Variants in FOXP2 observed in about 807,000 individuals in gnomAD.
FOXP2 encodes the protein forkhead box P2, also known as forkhead box protein P2.
FOXP2 carries 12 observed loss-of-function variants against 115.8 expected under a neutral mutation model. That is an observed-to-expected ratio of 0.10 (90% CI 0.07 to 0.17). The LOEUF is 0.17. Ranked by LOEUF, FOXP2 falls within the 10% of genes least tolerant of loss-of-function variation. The pLI is 1.00. For missense variants in FOXP2, 629 were observed against 843.5 expected, an observed-to-expected ratio of 0.75 and a Z score of 3.15; for synonymous variants, 328 against 297.7, an observed-to-expected ratio of 1.10 and a Z score of -1.05.
At chr7:114,652,931 T>C (rs969424165) in intron 9 of FOXP2, among the ~76,000 whole-genome samples, 1 of 152,134 alleles carries the variant, frequency 6.6e-6, no homozygotes, top group African/African-American at 2.4e-5. Context: ...ATAGAATCCA[T>C]AGAACTAATC....
chr7:114,402,077 G>A (rs1322553028), intron 2 of FOXP2, among the ~76,000 whole-genome samples: 5 of 152,126 alleles, frequency 3.3e-5, no homozygotes, highest in South Asian at 2.1e-4. Context: ...AGCTGAGATC[G>A]TGCCACTGCA....
intron 2 of FOXP2, among the ~76,000 whole-genome samples, chr7:114,496,158 C>G (rs1294472017): frequency 1.3e-5 from 2 of 151,946 alleles, no homozygotes; most frequent in African/African-American, 4.8e-5. Flanking sequence ...CCTAGTATGA[C>G]TGTGTCCTTA....
At position 114,434,762 on chromosome 7, in the gene FOXP2, T is replaced by C. The variant is rs549389409; in HGVS notation, c.168+8083T>C. Among the ~76,000 whole-genome samples, 112 of 152,250 alleles carry C rather than the reference T, an allele frequency of 7.4e-4. 1 individual carries two copies. Among genetic ancestry groups the C allele is most frequent in the African/African-American group, 2.6e-3 (108 of 41,564 alleles). On this transcript the variant is annotated intron_variant, in intron 2 of 16. Transcript: ENST00000350908. ...GTCAAATTAATACTTTCCATAAATA[T>C]ATATTTTCTGTATTACATGTTTTAT...
intron 2 of FOXP2, among the ~76,000 whole-genome samples, chr7:114,382,245 A>T (rs1176364065): frequency 1.3e-5 from 2 of 152,106 alleles, no homozygotes; most frequent in East Asian, 3.9e-4. Context: ...TGTCCAGGAG[A>T]CAGTTACCCT....
At chr7:114,350,783 TA>T (rs1349054210) in intron 2 of FOXP2, among the ~76,000 whole-genome samples, 1 of 152,158 alleles carries the variant, frequency 6.6e-6, no homozygotes, top group Non-Finnish European at 1.5e-5. Flanking sequence ...AAAATATTCA[TA>T]TTTTTATTAT....
At chr7:114,566,894 T>C (rs1801050872) in intron 3 of FOXP2, among the ~76,000 whole-genome samples, 1 of 151,882 alleles carries the variant, frequency 6.6e-6, no homozygotes, top group African/African-American at 2.4e-5. Flanking sequence ...GTATATATTA[T>C]ATATTTTTGT....
intron 3 of FOXP2, among the ~76,000 whole-genome samples, chr7:114,563,931 G>C (rs1213300125): frequency 6.6e-6 from 1 of 152,066 alleles, no homozygotes; most frequent in Non-Finnish European, 1.5e-5. Context: ...TCCTCAAATT[G>C]GGTATCCTTT....
At chr7:114,111,139 A>G (rs1221554322) in intron 1 of FOXP2, among the ~76,000 whole-genome samples, 3 of 152,166 alleles carry the variant, frequency 2.0e-5, no homozygotes, top group Non-Finnish European at 2.9e-5. Flanking sequence ...CACACCTCCC[A>G]GTATCCAGGT....
At chr7:114,360,021 C>T (rs547444081) in intron 2 of FOXP2, among the ~76,000 whole-genome samples, 2 of 152,248 alleles carry the variant, frequency 1.3e-5, no homozygotes, top group South Asian at 4.1e-4. Flanking sequence ...CCACCCAAAT[C>T]TCATCTTGAA....
At chr7:114,631,846 CA>C in intron 6 of FOXP2, 141 bp downstream of exon 6, 1 of 841,310 alleles carries the variant, frequency 1.2e-6, no homozygotes, top group East Asian at 2.7e-5. Context: ...AACATGGTGG[CA>C]TGACCTATTT....
chr7:114,361,043 C>G (rs1410491696), intron 2 of FOXP2, among the ~76,000 whole-genome samples: 1 of 152,112 alleles, frequency 6.6e-6, no homozygotes. Flanking sequence ...TCATTGCCAA[C>G]TAAGATAGAA....
chr7:114,607,404 T>A (rs1803389162), intron 3 of FOXP2, among the ~76,000 whole-genome samples: 1 of 152,084 alleles, frequency 6.6e-6, no homozygotes, highest in Middle Eastern at 3.2e-3. Context: ...CTTGACATAT[T>A]CAATAGGATT....
In FOXP2 at chr7:114,689,761, G is replaced by A. The variant is rs1808559194; in HGVS notation, c.2004-21G>A. On this transcript the variant is annotated intron_variant, in intron 16 of 16. Coordinates refer to ENST00000350908, the MANE Select transcript of FOXP2 (RefSeq NM_014491.4). Reference sequence around the variant, plus strand: ...TTGTTGCTTACTTAGTAAAATTTTGGTGTATCTACATGTTTTTCAGACATT... The same window carrying A: ...TTGTTGCTTACTTAGTAAAATTTTGATGTATCTACATGTTTTTCAGACATT... 3.1e-6 allele frequency: 5 copies of A among 1,612,508 alleles called. No individual in the cohort carries two copies. The East Asian group carries it at 8.9e-5, about 29-fold the overall frequency.
intron 6 of FOXP2, among the ~76,000 whole-genome samples, chr7:114,636,477 T>A (rs961020563): frequency 6.6e-6 from 1 of 152,162 alleles, no homozygotes; most frequent in Non-Finnish European, 1.5e-5. Context: ...AAATTATAAG[T>A]AACCTTAGAA....
At chr7:114,439,410 C>T (rs758464490) in intron 2 of FOXP2, among the ~76,000 whole-genome samples, 24 of 152,168 alleles carry the variant, frequency 1.6e-4, no homozygotes, top group Admixed American at 3.3e-4. Context: ...TAAGAATAAT[C>T]TTCAAATTCA....
chr7:114,316,278 A>G (rs1384112427), intron 2 of FOXP2, among the ~76,000 whole-genome samples: 4 of 152,234 alleles, frequency 2.6e-5, no homozygotes, highest in Non-Finnish European at 5.9e-5. Context: ...AACTGTGCAT[A>G]CATGTATAAT....
chr7:114,186,396 T>C (rs1007737978), intron 1 of FOXP2, among the ~76,000 whole-genome samples: 3 of 151,978 alleles, frequency 2.0e-5, no homozygotes, highest in African/African-American at 7.2e-5. Flanking sequence ...AAGAAAAAAA[T>C]GGGTAACTGA....
intron 10 of FOXP2, 97 bp downstream of exon 10, chr7:114,654,106 G>A (rs1469282406): frequency 7.5e-6 from 12 of 1,597,526 alleles, no homozygotes; most frequent in Non-Finnish European, 1.0e-5. Flanking sequence ...CAATGAGTGT[G>A]ATGAAAAATA....
chr7:114,204,557 T>A (rs994138883), intron 1 of FOXP2, among the ~76,000 whole-genome samples: 3 of 152,134 alleles, frequency 2.0e-5, no homozygotes, highest in African/African-American at 7.2e-5. Flanking sequence ...CCCTTCCCCG[T>A]TTTTCACATG....
Sources: gnomAD v4.1 joint callset for allele counts (sites outside exome capture counted in the v4.1 genomes callset) on GRCh38, gnomAD v4.1.1 for gene constraint, MANE v1.5 for transcripts, NCBI Gene and HGNC (gene_info 2026-07-23, HGNC 2026-07-21) for gene names.